The following JAM3 variants were observed in gnomAD, a reference collection of about 807,000 sequenced individuals.
JAM3 encodes junctional adhesion molecule C.
In JAM3, 31 loss-of-function variants were observed where a neutral mutation model predicts 39.4. The observed-to-expected ratio is 0.79, with a 90% CI of 0.59 to 1.06. The LOEUF (loss-of-function observed/expected upper bound fraction) is 1.06. JAM3 is among the 50% of genes least tolerant of loss of function. JAM3 has a pLI of 0.00. For missense variants in JAM3, 455 were observed against 391.4 expected (o/e 1.16, Z -1.37); for synonymous variants, 182 against 148.7 (o/e 1.22, Z -1.63).
rs558011447 is a variant in JAM3 at position 134,093,060 on chromosome 11, C to T, written c.76+23901C>T. Among the ~76,000 whole-genome samples, 135 of 136,444 alleles carry T rather than the reference C, an allele frequency of 9.9e-4. 2 individuals are homozygous for T. The highest frequency in any genetic ancestry group is 7.4e-3 in the Middle Eastern group (2 of 272). The allele number at this position is 136,444 out of a possible 152,430, so 89.5% of individuals were successfully genotyped here. A position where few individuals can be genotyped will look rare whatever the true frequency, so the allele number is the denominator to read the frequency against. On this transcript the variant is annotated intron_variant, in intron 1 of 8. Coordinates refer to ENST00000299106, the MANE Select transcript of JAM3 (RefSeq NM_032801.5). ...CTGAACCCTCCTTATTCATCATGTTCCACCTTACATCTTATTCGTCATGTT... is the reference window on the plus strand; with the variant it reads ...CTGAACCCTCCTTATTCATCATGTTTCACCTTACATCTTATTCGTCATGTT...
At chr11:134,119,224 C>G (rs892630427) in intron 1 of JAM3, among the ~76,000 whole-genome samples, 4 of 152,050 alleles carry the variant, frequency 2.6e-5, no homozygotes, top group Non-Finnish European at 5.9e-5. Context: ...GCACGACTGG[C>G]AAGAAGTCTT....
At chr11:134,119,755 A>T (rs1472386966) in intron 1 of JAM3, among the ~76,000 whole-genome samples, 1 of 151,288 alleles carries the variant, frequency 6.6e-6, no homozygotes, top group African/African-American at 2.4e-5. Flanking sequence ...ACAAATTTAA[A>T]TGTTAATCTC....
intron 1 of JAM3, among the ~76,000 whole-genome samples, chr11:134,101,124 C>T (rs1344526392): frequency 1.3e-5 from 2 of 152,128 alleles, no homozygotes; most frequent in Admixed American, 1.3e-4. Flanking sequence ...AACATTTCTT[C>T]TCTGTTCTTA....
intron 6 of JAM3, chr11:134,148,201 C>A (rs946251744): frequency 6.4e-6 from 2 of 311,256 alleles, no homozygotes; most frequent in African/African-American, 2.1e-5. Flanking sequence ...GGGATCCTGG[C>A]TCCTAATCTT....
At chr11:134,072,300 AG>A (rs1395980212) in intron 1 of JAM3, among the ~76,000 whole-genome samples, 2 of 148,586 alleles carry the variant, frequency 1.3e-5, no homozygotes, top group Non-Finnish European at 3.0e-5. Context: ...AGAATACCCT[AG>A]TGGTGAAGTT....
At chr11:134,072,376 ACTCACT>A (rs1941496806) in intron 1 of JAM3, among the ~76,000 whole-genome samples, 1 of 96,826 alleles carries the variant, frequency 1.0e-5, no homozygotes, top group African/African-American at 4.0e-5. Context: ...TCACTGCAAA[ACTCACT>A]GCAAAACTCC....
chr11:134,077,047 C>G (rs1234868070), intron 1 of JAM3, among the ~76,000 whole-genome samples: 1 of 152,022 alleles, frequency 6.6e-6, no homozygotes, highest in East Asian at 1.9e-4. Flanking sequence ...GTTGGCCAGG[C>G]TGGTCTCGAA....
rs1025379282 is a variant in JAM3, at chr11:134,093,256, G to A, written c.76+24097G>A. Among the ~76,000 whole-genome samples, 18 of 132,128 alleles carry A rather than the reference G, an allele frequency of 1.4e-4. 2 individuals are homozygous for A. The highest frequency in any genetic ancestry group is 5.3e-4 in the African/African-American group (18 of 34,022). The allele number at this position is 132,128 out of a possible 152,430, so 86.7% of individuals were successfully genotyped here. The stretch of plus-strand genomic sequence containing the variant: ...TCCGTCTTACATGTCACTTCCTGAG[G>A]GAAGCTTCTCCTGAAACCTCCTTAT... On this transcript the variant is annotated intron_variant, in intron 1 of 8. Coordinates refer to ENST00000299106, the MANE Select transcript of JAM3 (RefSeq NM_032801.5).
At chr11:134,110,080 A>G (rs1377824461) in intron 1 of JAM3, among the ~76,000 whole-genome samples, 1 of 152,220 alleles carries the variant, frequency 6.6e-6, no homozygotes, top group African/African-American at 2.4e-5. Context: ...TGCATCATTT[A>G]ATTTGCACCT....
intron 1 of JAM3, among the ~76,000 whole-genome samples, chr11:134,127,449 A>G (rs1445267286): frequency 6.6e-6 from 1 of 152,236 alleles, no homozygotes; most frequent in Non-Finnish European, 1.5e-5. Flanking sequence ...CTGTAATCCC[A>G]GCACTTTGGG....
chr11:134,101,709 C>G (rs1015937851), intron 1 of JAM3, among the ~76,000 whole-genome samples: 7 of 152,094 alleles, frequency 4.6e-5, no homozygotes, highest in African/African-American at 1.7e-4. Flanking sequence ...TATTTCTCCC[C>G]TTATTTATTC....
chr11:134,072,580 G>A (rs1941499385), intron 1 of JAM3, among the ~76,000 whole-genome samples: 1 of 152,214 alleles, frequency 6.6e-6, no homozygotes, highest in African/African-American at 2.4e-5. Context: ...AAAGTGCTGA[G>A]ATTACAGGCG....
chr11:134,131,566 C>A (rs1337525075), intron 1 of JAM3, among the ~76,000 whole-genome samples: 3 of 152,086 alleles, frequency 2.0e-5, no homozygotes, highest in African/African-American at 7.2e-5. Flanking sequence ...AAACATGGCT[C>A]ATTTAAAGGA....
intron 1 of JAM3, among the ~76,000 whole-genome samples, chr11:134,103,235 A>G (rs1942111882): frequency 6.6e-6 from 1 of 152,206 alleles, no homozygotes; most frequent in African/African-American, 2.4e-5. Context: ...AGAATTTTCA[A>G]CCCAGAATTT....
intron 3 of JAM3, 138 bp downstream of exon 3, chr11:134,140,908 TA>T (rs1278594822): frequency 6.1e-6 from 7 of 1,149,310 alleles, no homozygotes; most frequent in Non-Finnish European, 8.4e-6. Flanking sequence ...TAAAGATTTA[TA>T]ATTATGGAAA....
intron 6 of JAM3, 66 bp from the exon 7 acceptor site, chr11:134,148,481 G>A: frequency 2.5e-6 from 4 of 1,609,338 alleles, no homozygotes; most frequent in Non-Finnish European, 3.4e-6. Context: ...GGCACAGCAG[G>A]GCCAGGGCCT....
chr11:134,113,334 C>T (rs1454708316), intron 1 of JAM3, among the ~76,000 whole-genome samples: 3 of 151,948 alleles, frequency 2.0e-5, no homozygotes, highest in Non-Finnish European at 4.4e-5. Context: ...TAATGCTAAC[C>T]CTCCCCGCTT....
rs115664681 is a variant in JAM3 at position 134,109,692 on chromosome 11, A to G, written c.77-30159A>G. 4.7e-3 allele frequency among the ~76,000 whole-genome samples: 710 copies of G among 152,356 alleles called. 6 individuals carry two copies. The highest frequency in any genetic ancestry group is 0.016 in the African/African-American group (677 of 41,584). ...TGAGGGCTGCAATATTTAAAGGGAA[A>G]AAGTGGGCTGGAGGGGAAAGAGGGA... On this transcript the variant is annotated intron_variant, in intron 1 of 8. Transcript: ENST00000299106.
intron 1 of JAM3, among the ~76,000 whole-genome samples, chr11:134,092,668 TGAGGGAAGC>T (rs1328117726): frequency 7.4e-6 from 1 of 134,542 alleles, no homozygotes; most frequent in African/African-American, 2.8e-5. Flanking sequence ...TGTCACTTCC[TGAGGGAAGC>T]TTCTCCTGAG....
Sources: allele counts gnomAD v4.1 joint callset (sites outside exome capture counted in the v4.1 genomes callset), GRCh38; gene constraint gnomAD v4.1.1; transcripts MANE v1.5; gene names NCBI Gene and HGNC (gene_info 2026-07-23, HGNC 2026-07-21).